Variants in ZNF292 observed in about 807,000 individuals in gnomAD.
ZNF292 encodes zinc finger protein 292.
Under a neutral mutation model 217.9 loss-of-function variants are expected in ZNF292, and 26 were observed. The observed-to-expected ratio is 0.12, with a 90% CI of 0.09 to 0.17. The LOEUF (loss-of-function observed/expected upper bound fraction) is 0.17. Ranked by LOEUF, ZNF292 falls within the 10% of genes least tolerant of loss-of-function variation. The probability of loss-of-function intolerance (pLI) is 1.00; values close to 1 mark genes in which losing one functional copy is unlikely to be tolerated. For missense variants in ZNF292, 2,904 were observed against 3,175.2 expected, an observed-to-expected ratio of 0.91 and a Z score of 2.05; for synonymous variants, 1,257 against 1,124.1, an observed-to-expected ratio of 1.12 and a Z score of -2.37.
intron 1 of ZNF292, chr6:87,173,240 CCT>C (rs1165338740): frequency 1.3e-5 from 2 of 151,966 alleles, no homozygotes; most frequent in Non-Finnish European, 2.9e-5. Flanking sequence ...TCAAGTGTTC[CCT>C]GTTTTGTAAA....
intron 1 of ZNF292, among the ~76,000 whole-genome samples, chr6:87,172,858 G>T (rs1330105856): frequency 6.7e-6 from 1 of 150,088 alleles, no homozygotes; most frequent in South Asian, 2.1e-4. Flanking sequence ...AGTGATCCAA[G>T]ATTGCACCAC....
intron 4 of ZNF292, among the ~76,000 whole-genome samples, chr6:87,230,729 G>A (rs1247608366): frequency 6.8e-5 from 10 of 146,644 alleles, no homozygotes; most frequent in African/African-American, 2.3e-4. Context: ...GAGAGACTCC[G>A]TCTTAAAAAA....
chr6:87,239,564 C>A (rs1300001356), intron 5 of ZNF292, among the ~76,000 whole-genome samples: 33 of 148,666 alleles, frequency 2.2e-4, no homozygotes, highest in African/African-American at 7.9e-4. Flanking sequence ...GGGCGGCTGC[C>A]GGGCGGAGAC....
In ZNF292 at chr6:87,203,324, G is replaced by A. The variant is rs1772147453; in HGVS notation, c.169-12579G>A. ...ATCTGGCTAACTTTTTGTATTTTTA[G>A]TAGAGACAGGGTTTTGCCGTGTTGC... On this transcript the variant is annotated intron_variant, in intron 1 of 7. Coordinates refer to ENST00000369577, the MANE Select transcript of ZNF292 (RefSeq NM_015021.3). 2.0e-5 allele frequency among the ~76,000 whole-genome samples: 3 copies of A among 151,424 alleles called. No homozygotes were observed. In the South Asian group the frequency reaches 6.3e-4, roughly 32 times the overall value.
intron 7 of ZNF292, among the ~76,000 whole-genome samples, chr6:87,254,042 T>C (rs1775074075): frequency 6.6e-6 from 1 of 152,208 alleles, no homozygotes. Flanking sequence ...GGTAGGTAAT[T>C]TGACATTTGG....
intron 5 of ZNF292, among the ~76,000 whole-genome samples, chr6:87,239,593 G>C (rs1219410924): frequency 1.3e-5 from 2 of 149,738 alleles, no homozygotes; most frequent in East Asian, 2.0e-4. Flanking sequence ...CTTCCCAGAC[G>C]GGGCGGCTGC....
chr6:87,263,781 C>T lies in ZNF292; in HGVS notation c.*1980C>T, dbSNP rs1251059871. The T allele has an allele frequency of 6.6e-6, 1 of 151,996 alleles. No homozygotes were observed. Among genetic ancestry groups the T allele is most frequent in the Non-Finnish European group, 1.5e-5 (1 of 67,958 alleles). 9.4% of individuals were successfully genotyped at this position (151,996 alleles called of 1,614,324 possible). A position where few individuals can be genotyped will look rare whatever the true frequency, so the allele number is the denominator to read the frequency against. On this transcript the variant is annotated 3_prime_UTR_variant, in exon 8 of 8. Transcript: ENST00000369577. ...TTGTTAACAACTGAATGTTTCCATA[C>T]AGTTTTCTTAGAAATTGACCTAGCT...
rs1232779217 is a variant in ZNF292 at position 87,259,362 on chromosome 6, C to T, written c.5733C>T (p.Tyr1911=). ...PFVCQNQGCN[Y]SAMTKDALFK... Reference sequence around the variant, plus strand: ...TGTGTCAAAACCAAGGCTGTAACTACAGTGCTATGACAAAGGATGCACTAT... The same window carrying T: ...TGTGTCAAAACCAAGGCTGTAACTATAGTGCTATGACAAAGGATGCACTAT... Residue 1911 remains tyrosine (Y), a synonymous_variant, in exon 8 of 8, where the codon TAC becomes TAT. Transcript: ENST00000369577. 1 of 1,613,080 alleles carries T rather than the reference C, an allele frequency of 6.2e-7. No homozygotes were observed.
chr6:87,160,906 CG>C (rs1770726252), intron 1 of ZNF292, among the ~76,000 whole-genome samples: 1 of 151,936 alleles, frequency 6.6e-6, no homozygotes, highest in Non-Finnish European at 1.5e-5. Flanking sequence ...CAAATGAAAG[CG>C]TAATTCCTCT....
At chr6:87,238,165 G>A (rs961440015) in intron 5 of ZNF292, among the ~76,000 whole-genome samples, 4 of 151,990 alleles carry the variant, frequency 2.6e-5, no homozygotes, top group South Asian at 2.1e-4. Context: ...AATACACATA[G>A]GCAATCACAA....
chr6:87,205,972 G>A (rs1450318470), intron 1 of ZNF292, among the ~76,000 whole-genome samples: 1 of 152,110 alleles, frequency 6.6e-6, no homozygotes, highest in African/African-American at 2.4e-5. Context: ...CTCATCTGAG[G>A]TCTGGCTAAG....
At chr6:87,221,801 G>A (rs1051259175) in intron 4 of ZNF292, among the ~76,000 whole-genome samples, 3 of 151,954 alleles carry the variant, frequency 2.0e-5, no homozygotes, top group African/African-American at 7.3e-5. Flanking sequence ...TCTTAAATGT[G>A]TAAATCTCAG....
At chr6:87,225,385 C>G (rs761384373) in intron 4 of ZNF292, among the ~76,000 whole-genome samples, 19 of 152,088 alleles carry the variant, frequency 1.2e-4, no homozygotes, top group Non-Finnish European at 2.5e-4. Flanking sequence ...AGTCCTACTT[C>G]CCAGTTTTTT....
intron 5 of ZNF292, among the ~76,000 whole-genome samples, chr6:87,242,881 A>T (rs975162981): frequency 1.3e-5 from 2 of 152,232 alleles, no homozygotes; most frequent in African/African-American, 4.8e-5. Context: ...ACTGTTGGCA[A>T]GCTTTGAGAT....
In ZNF292 at chr6:87,170,894, T is replaced by C. The variant is rs189608391; in HGVS notation, c.168+15135T>C. On this transcript the variant is annotated intron_variant, in intron 1 of 7. Coordinates refer to ENST00000369577, the MANE Select transcript of ZNF292 (RefSeq NM_015021.3). ...GGACCTTTTATGGTTGTTATTAGAATTGATGAAAGCCATAATTATTTTAAA... is the reference window on the plus strand; with the variant it reads ...GGACCTTTTATGGTTGTTATTAGAACTGATGAAAGCCATAATTATTTTAAA... 2.6e-3 allele frequency among the ~76,000 whole-genome samples: 397 copies of C among 152,290 alleles called. 2 individuals carry two copies. The highest frequency in any genetic ancestry group is 4.8e-3 in the Non-Finnish European group (327 of 67,990).
At chr6:87,235,072 C>T (rs183292512) in intron 5 of ZNF292, among the ~76,000 whole-genome samples, 92 of 151,958 alleles carry the variant, frequency 6.1e-4, no homozygotes, top group African/African-American at 2.2e-3. Context: ...TTCAACTAGT[C>T]TATAGATTTT....
intron 1 of ZNF292, among the ~76,000 whole-genome samples, chr6:87,171,950 TGTCTGGTACTA>T (rs937654969): frequency 3.3e-5 from 5 of 152,234 alleles, no homozygotes; most frequent in African/African-American, 1.2e-4. Context: ...ATTAGCACTA[TGTCTGGTACTA>T]GTTAAATGGC....
chr6:87,218,822 T>C (rs760966089), intron 4 of ZNF292, 91 bp downstream of exon 4: 390 of 1,362,002 alleles, frequency 2.9e-4, no homozygotes, highest in Non-Finnish European at 3.5e-4. Context: ...TCTCAAGATA[T>C]TCCAAAGAAG....
intron 7 of ZNF292, among the ~76,000 whole-genome samples, chr6:87,245,980 C>G (rs1317919197): frequency 1.3e-5 from 2 of 152,144 alleles, no homozygotes; most frequent in Non-Finnish European, 2.9e-5. Flanking sequence ...TGCCTGTAAT[C>G]CCAGCACTTT....
Sources: gnomAD v4.1 joint callset for allele counts (sites outside exome capture counted in the v4.1 genomes callset) on GRCh38, gnomAD v4.1.1 for gene constraint, MANE v1.5 for transcripts, NCBI Gene and HGNC (gene_info 2026-07-23, HGNC 2026-07-21) for gene names.